The following MYO1B variants were observed in gnomAD, a reference collection of about 807,000 sequenced individuals.
The protein encoded by MYO1B is myosin IB.
MYO1B carries 72 observed loss-of-function variants against 159.7 expected under a neutral mutation model. The observed-to-expected ratio is 0.45, with a 90% CI of 0.37 to 0.55. The LOEUF is 0.55. Ranked by LOEUF, MYO1B falls within the 20% of genes least tolerant of loss-of-function variation. The pLI is 0.00. For missense variants in MYO1B, 1,062 were observed against 1,364.8 expected (o/e 0.78, Z 3.50); for synonymous variants, 468 against 473.8 (o/e 0.99, Z 0.16).
intron 13 of MYO1B, chr2:191,377,653 T>C (rs1559214880): frequency 1.3e-5 from 2 of 152,232 alleles, no homozygotes; most frequent in South Asian, 4.1e-4. Flanking sequence ...ATTTAATATT[T>C]GTATTAATGG....
intron 1 of MYO1B, among the ~76,000 whole-genome samples, chr2:191,255,566 A>T (rs1686388870): frequency 6.6e-6 from 1 of 152,252 alleles, no homozygotes; most frequent in African/African-American, 2.4e-5. Context: ...AATGACACAA[A>T]GATGGGAATT....
At chr2:191,339,113 A>G (rs1228179082) in intron 4 of MYO1B, among the ~76,000 whole-genome samples, 3 of 152,154 alleles carry the variant, frequency 2.0e-5, no homozygotes, top group Admixed American at 6.5e-5. Context: ...CCAAGGCCAG[A>G]CTACAGAGTT....
intron 21 of MYO1B, among the ~76,000 whole-genome samples, chr2:191,398,657 T>A (rs1159127089): frequency 6.7e-6 from 1 of 149,808 alleles, no homozygotes; most frequent in Non-Finnish European, 1.5e-5. Context: ...CGCTCCCCAC[T>A]CAGATGATGG....
chr2:191,288,583 T>C (rs935212341), intron 2 of MYO1B, among the ~76,000 whole-genome samples: 2 of 152,234 alleles, frequency 1.3e-5, no homozygotes, highest in Admixed American at 1.3e-4. Context: ...CTTCCTAAGC[T>C]ATATTATAAA....
At chr2:191,280,643 T>A (rs1259091054) in intron 2 of MYO1B, among the ~76,000 whole-genome samples, 1 of 152,164 alleles carries the variant, frequency 6.6e-6, no homozygotes, top group African/African-American at 2.4e-5. Context: ...CCTGAGCGAC[T>A]TAAGAAAGTG....
chr2:191,390,545 A>T (rs1574584118), intron 18 of MYO1B, 53 bp downstream of exon 18: 1 of 1,544,870 alleles, frequency 6.5e-7, no homozygotes, highest in Non-Finnish European at 8.8e-7. Context: ...TGGTCAAATA[A>T]TACGGTGTTT....
At chr2:191,261,580 C>G (rs139023099) in intron 1 of MYO1B, among the ~76,000 whole-genome samples, 1,899 of 152,276 alleles carry the variant, frequency 0.012, 23 homozygotes, top group Non-Finnish European at 0.021. Flanking sequence ...GGGGCAGTAC[C>G]TTCTGGAACG....
intron 8 of MYO1B, among the ~76,000 whole-genome samples, chr2:191,361,505 A>G (rs914727583): frequency 9.2e-5 from 14 of 151,954 alleles, no homozygotes; most frequent in African/African-American, 3.4e-4. Flanking sequence ...AAAAGTCAAC[A>G]CCACTTAGGA....
intron 3 of MYO1B, among the ~76,000 whole-genome samples, chr2:191,311,813 C>G (rs1281982395): frequency 6.6e-6 from 1 of 152,186 alleles, no homozygotes; most frequent in Non-Finnish European, 1.5e-5. Flanking sequence ...TAGAGTGAGT[C>G]ATGGCTATCT....
chr2:191,407,726 C>T (rs2126154997), intron 24 of MYO1B: 1 of 153,646 alleles, frequency 6.5e-6, no homozygotes, highest in African/African-American at 2.4e-5. Context: ...GAAACTGATA[C>T]AGTTCTTCAG....
intron 3 of MYO1B, among the ~76,000 whole-genome samples, chr2:191,319,481 A>C (rs1690561681): frequency 6.6e-6 from 1 of 152,180 alleles, no homozygotes; most frequent in East Asian, 1.9e-4. Context: ...TAAAATTAAG[A>C]CATGGATTTG....
chr2:191,250,840 A>G (rs771664924), intron 1 of MYO1B, among the ~76,000 whole-genome samples: 2 of 152,182 alleles, frequency 1.3e-5, no homozygotes, highest in Non-Finnish European at 1.5e-5. Context: ...GCTTTGAATG[A>G]GTACTGTGGA....
At chr2:191,311,886 T>C (rs186056236) in intron 3 of MYO1B, among the ~76,000 whole-genome samples, 1 of 152,286 alleles carries the variant, frequency 6.6e-6, no homozygotes, top group Non-Finnish European at 1.5e-5. Context: ...TGTGCATGGG[T>C]GTTGGTCATT....
At position 191,366,615 on chromosome 2, in the gene MYO1B, G is replaced by C. The variant is rs567810668; in HGVS notation, c.1032+2339G>C. On this transcript the variant is annotated intron_variant, in intron 11 of 30. Transcript: ENST00000392318. ...GAAATAATAGAAACTCAAGACAAGA[G>C]TTTTTCAGCTTCTCCGACATACTCT... 3.9e-5 allele frequency among the ~76,000 whole-genome samples: 6 copies of C among 152,134 alleles called. No homozygotes were observed. In the South Asian group the frequency reaches 1.2e-3, roughly 32 times the overall value.
chr2:191,334,669 G>C (rs886836486), intron 4 of MYO1B, among the ~76,000 whole-genome samples: 12 of 152,080 alleles, frequency 7.9e-5, no homozygotes, highest in Admixed American at 2.0e-4. Flanking sequence ...CGCTTCCCAG[G>C]GCTTGTCACC....
chr2:191,394,559 G>GC (rs1695950053), intron 20 of MYO1B, among the ~76,000 whole-genome samples: 2 of 152,104 alleles, frequency 1.3e-5, no homozygotes. Flanking sequence ...AAGACAATAC[G>GC]CATTTAAGCA....
At chr2:191,290,314 A>G (rs1309125959) in intron 2 of MYO1B, among the ~76,000 whole-genome samples, 1 of 152,166 alleles carries the variant, frequency 6.6e-6, no homozygotes, top group Non-Finnish European at 1.5e-5. Context: ...GGTATATCAC[A>G]TGTATGCAGA....
rs1258694502 is a variant in MYO1B, at chr2:191,277,010, T to C, written c.115T>C (p.Phe39Leu). The C allele has an allele frequency of 1.2e-6, 2 of 1,613,674 alleles. No individual in the cohort carries two copies. Among genetic ancestry groups the C allele is most frequent in the Non-Finnish European group, 1.7e-6 (2 of 1,179,908 alleles). The part of the protein sequence containing the change: ...ETFINNLKKR[F>L]DHSEIYTYIG... ...CTTCATCAACAACCTCAAGAAGCGC[T>C]TTGACCACAGTGAAATATACGTAAG... is the stretch of plus-strand genomic sequence containing the variant. The change falls in exon 2 of 31, where the codon TTT becomes CTT. Residue 39 changes from phenylalanine to leucine, a missense_variant. Physicochemically the swap from Phe to Leu is conservative, Grantham distance 22. Around this residue, in one of 5 missense-constraint regions of MYO1B, gnomAD observed 415 missense variants for 544.0 expected, o/e 0.76. Coordinates refer to ENST00000392318, the MANE Select transcript of MYO1B (RefSeq NM_001130158.3).
intron 1 of MYO1B, chr2:191,246,213 C>G (rs1195868846): frequency 6.6e-6 from 1 of 152,004 alleles, no homozygotes; most frequent in Non-Finnish European, 1.5e-5. Context: ...GTTTCCTGCC[C>G]GGGATGGGAT....
Sources: gnomAD v4.1 joint callset for allele counts (sites outside exome capture counted in the v4.1 genomes callset) on GRCh38, gnomAD v4.1.1 for gene constraint, gnomAD v4.1.1 regional missense constraint, MANE v1.5 for transcripts, NCBI Gene and HGNC (gene_info 2026-07-23, HGNC 2026-07-21) for gene names.